Variants in GRB10 observed in about 807,000 individuals in gnomAD.
GRB10 encodes the protein growth factor receptor bound protein 10, also known as growth factor receptor-bound protein 10.
Under a neutral mutation model 80.9 loss-of-function variants are expected in GRB10, and 20 were observed. The observed-to-expected ratio is 0.25, with a 90% CI of 0.17 to 0.36. GRB10 has a LOEUF of 0.36. Among genes scored for constraint, GRB10 ranks in the 10% least tolerant of loss-of-function variants. GRB10 has a pLI of 1.00. For missense variants in GRB10, 548 were observed against 747.7 expected, an observed-to-expected ratio of 0.73 and a Z score of 3.12; for synonymous variants, 291 against 291.5, an observed-to-expected ratio of 1.00 and a Z score of 0.02.
chr7:50,699,248 T>C (rs2063832825), intron 5 of GRB10, among the ~76,000 whole-genome samples: 1 of 152,242 alleles, frequency 6.6e-6, no homozygotes, highest in African/African-American at 2.4e-5. Context: ...TTCTAATGTT[T>C]ACATTTTAGT....
At chr7:50,768,781 T>C (rs140793527) in intron 2 of GRB10, among the ~76,000 whole-genome samples, 230 of 152,342 alleles carry the variant, frequency 1.5e-3, no homozygotes, top group African/African-American at 5.1e-3. Flanking sequence ...GAGGAGCTTG[T>C]TCACAAGTGT....
intron 2 of GRB10, among the ~76,000 whole-genome samples, chr7:50,771,770 C>T (rs989290345): frequency 4.6e-5 from 7 of 152,238 alleles, no homozygotes; most frequent in African/African-American, 1.7e-4. Context: ...ACGTCCTCCT[C>T]TCTCTGCCTG....
At chr7:50,604,123 G>A (rs1012684608) in intron 16 of GRB10, 38 bp from the exon 17 acceptor site, 4 of 1,542,756 alleles carry the variant, frequency 2.6e-6, no homozygotes, top group Non-Finnish European at 3.6e-6. Flanking sequence ...GGATGGTGGT[G>A]CCTCTGCAGA....
At chr7:50,756,716 C>A (rs1195484364) in intron 2 of GRB10, among the ~76,000 whole-genome samples, 3 of 152,182 alleles carry the variant, frequency 2.0e-5, no homozygotes, top group Admixed American at 6.5e-5. Context: ...ATTGAAACCC[C>A]TACCGGAGGA....
chr7:50,594,646 C>A (rs1416684875), intron 18 of GRB10, among the ~76,000 whole-genome samples: 1 of 152,186 alleles, frequency 6.6e-6, no homozygotes, highest in African/African-American at 2.4e-5. Flanking sequence ...AGCATGTAAA[C>A]AGCTGCTATT....
intron 5 of GRB10, among the ~76,000 whole-genome samples, chr7:50,700,436 T>C (rs888125862): frequency 5.3e-5 from 8 of 152,366 alleles, no homozygotes; most frequent in African/African-American, 1.9e-4. Flanking sequence ...GTGTCTGTGC[T>C]ACAGGTTTGC....
chr7:50,644,779 G>A (rs547524221), intron 7 of GRB10, among the ~76,000 whole-genome samples: 2 of 152,330 alleles, frequency 1.3e-5, no homozygotes, highest in South Asian at 2.1e-4. Context: ...AGTGGAGCAG[G>A]GCTGTCCTGT....
chr7:50,643,574 C>T (rs1176458732), intron 7 of GRB10, among the ~76,000 whole-genome samples: 1 of 152,192 alleles, frequency 6.6e-6, no homozygotes, highest in Non-Finnish European at 1.5e-5. Flanking sequence ...TCGGGGAAAC[C>T]TGAACGAGGT....
intron 4 of GRB10, among the ~76,000 whole-genome samples, chr7:50,718,655 G>A (rs991353644): frequency 3.3e-4 from 50 of 152,112 alleles, no homozygotes; most frequent in Admixed American, 2.6e-3. Flanking sequence ...TTACTCCAAA[G>A]TAATTTGTAC....
chr7:50,640,067 T>C (rs1045940782), intron 7 of GRB10, among the ~76,000 whole-genome samples: 1 of 152,208 alleles, frequency 6.6e-6, no homozygotes, highest in African/African-American at 2.4e-5. Context: ...GGGTCATCTC[T>C]AGAAAGGTTT....
chr7:50,757,932 T>C (rs2075292188), intron 2 of GRB10, among the ~76,000 whole-genome samples: 1 of 152,234 alleles, frequency 6.6e-6, no homozygotes, highest in Admixed American at 6.5e-5. Flanking sequence ...TTGCTTTTTC[T>C]CATGGGCACG....
At chr7:50,602,151 C>T (rs974494650) in intron 17 of GRB10, among the ~76,000 whole-genome samples, 1 of 152,112 alleles carries the variant, frequency 6.6e-6, no homozygotes, top group African/African-American at 2.4e-5. Context: ...AGGGGAAAAC[C>T]AGGCATTTAC....
At chr7:50,718,240 C>A (rs562629660) in intron 4 of GRB10, among the ~76,000 whole-genome samples, 1 of 152,264 alleles carries the variant, frequency 6.6e-6, no homozygotes, top group South Asian at 2.1e-4. Flanking sequence ...AGAGGGGAGG[C>A]CAGTTTGGGG....
chr7:50,753,405 G>A (rs1027438289), intron 3 of GRB10, among the ~76,000 whole-genome samples: 8 of 152,218 alleles, frequency 5.3e-5, no homozygotes, highest in Admixed American at 5.2e-4. Flanking sequence ...CCTGGACAGT[G>A]CCAGGTACCA....
chr7:50,753,723 A>G (rs2074548553), intron 3 of GRB10, among the ~76,000 whole-genome samples: 1 of 152,336 alleles, frequency 6.6e-6, no homozygotes, highest in East Asian at 1.9e-4. Context: ...TTTCAAGCCA[A>G]AAACTCAAAG....
intron 8 of GRB10, among the ~76,000 whole-genome samples, chr7:50,624,193 T>G (rs2052441513): frequency 6.6e-6 from 1 of 152,178 alleles, no homozygotes; most frequent in African/African-American, 2.4e-5. Context: ...TATGTACACA[T>G]CCCTGTGAGA....
intron 7 of GRB10, among the ~76,000 whole-genome samples, chr7:50,646,475 C>T (rs1237831333): frequency 6.6e-6 from 1 of 152,148 alleles, no homozygotes; most frequent in Non-Finnish European, 1.5e-5. Context: ...TTACCAAATA[C>T]CTTTTTGTAG....
chr7:50,623,385 G>A (rs1200423221), intron 8 of GRB10, among the ~76,000 whole-genome samples: 4 of 152,246 alleles, frequency 2.6e-5, no homozygotes, highest in African/African-American at 7.2e-5. Flanking sequence ...TTTCAAGTGC[G>A]TCCAGTAGTG....
intron 4 of GRB10, among the ~76,000 whole-genome samples, chr7:50,719,483 G>T (rs116043938): frequency 6.6e-6 from 1 of 150,696 alleles, no homozygotes; most frequent in South Asian, 2.1e-4. Context: ...ATGAGAACAC[G>T]TGGACACAGG....
Sources: gnomAD v4.1 joint callset for allele counts (sites outside exome capture counted in the v4.1 genomes callset) on GRCh38, gnomAD v4.1.1 for gene constraint, MANE v1.5 for transcripts, NCBI Gene and HGNC (gene_info 2026-07-23, HGNC 2026-07-21) for gene names.